Variants in CEP85L observed in about 807,000 individuals in gnomAD.
CEP85L encodes centrosomal protein 85L, also known as centrosomal protein of 85 kDa-like.
A neutral mutation model predicts 100.3 loss-of-function variants in CEP85L; 60 were observed. The ratio of observed to expected loss-of-function variants is 0.60; its 90% CI spans 0.49 to 0.74. The LOEUF (loss-of-function observed/expected upper bound fraction) is 0.74, where lower values mean the gene tolerates loss of function less well. Among genes scored for constraint, CEP85L ranks in the 30% least tolerant of loss-of-function variants. The pLI is 0.00. For synonymous variants in CEP85L, 319 were observed against 322.7 expected, an observed-to-expected ratio of 0.99 and a Z score of 0.12; for missense variants, 973 against 936.2, an observed-to-expected ratio of 1.04 and a Z score of -0.51.
At chr6:118,632,134 C>T (rs950160014) in intron 2 of CEP85L, among the ~76,000 whole-genome samples, 21 of 152,186 alleles carry the variant, frequency 1.4e-4, no homozygotes, top group East Asian at 1.2e-3. Context: ...GGACTACAGG[C>T]GCCCGCCACC....
chr6:118,664,970 C>T (rs1029948630), intron 1 of CEP85L, among the ~76,000 whole-genome samples: 5 of 152,194 alleles, frequency 3.3e-5, no homozygotes, highest in Non-Finnish European at 7.3e-5. Context: ...AAGGCATGAA[C>T]ATGATTTTGA....
At chr6:118,608,006 T>C (rs1157324901) in intron 2 of CEP85L, among the ~76,000 whole-genome samples, 1 of 152,048 alleles carries the variant, frequency 6.6e-6, no homozygotes, top group Non-Finnish European at 1.5e-5. Flanking sequence ...CAGTGCAAAA[T>C]GAAAGCAAGT....
chr6:118,502,430 G>C (rs1775366075), intron 5 of CEP85L: 1 of 530,166 alleles, frequency 1.9e-6, no homozygotes, highest in Non-Finnish European at 3.7e-6. Flanking sequence ...CCCTATAAGA[G>C]TTGGAGATAT....
rs548485761 is a variant in CEP85L at position 118,695,324 on chromosome 6, G to A, written c.-28+14712C>T. Reference sequence around the variant, plus strand: ...ATAATTTGCAAATGGATCATTAGAAGTAACAATGAGTCACCAACTCCTACT... The same window carrying A: ...ATAATTTGCAAATGGATCATTAGAAATAACAATGAGTCACCAACTCCTACT... On this transcript the variant is annotated intron_variant, in intron 1 of 13. Transcript: ENST00000368488. Among the ~76,000 whole-genome samples, 150 of 152,304 alleles carry A rather than the reference G, an allele frequency of 9.8e-4. 5 individuals carry two copies. In the South Asian group the frequency reaches 0.028, roughly 29 times the overall value.
chr6:118,594,596 C>A (rs984526493), intron 2 of CEP85L, among the ~76,000 whole-genome samples: 1 of 152,032 alleles, frequency 6.6e-6, no homozygotes, highest in Non-Finnish European at 1.5e-5. Flanking sequence ...TCGCCGGGCA[C>A]GGTGGCTCAC....
intron 1 of CEP85L, among the ~76,000 whole-genome samples, chr6:118,704,927 T>C (rs1777548510): frequency 6.6e-6 from 1 of 152,180 alleles, no homozygotes; most frequent in Non-Finnish European, 1.5e-5. Flanking sequence ...TTCACAGGCT[T>C]CCTGTTTCTA....
chr6:118,697,055 A>G (rs1406788138), intron 1 of CEP85L, among the ~76,000 whole-genome samples: 1 of 152,158 alleles, frequency 6.6e-6, no homozygotes, highest in African/African-American at 2.4e-5. Flanking sequence ...GACTCCCTTC[A>G]ATTTCTCATT....
At chr6:118,596,517 A>G (rs1781464163) in intron 2 of CEP85L, among the ~76,000 whole-genome samples, 1 of 152,224 alleles carries the variant, frequency 6.6e-6, no homozygotes, top group South Asian at 2.1e-4. Flanking sequence ...AAAACTTCAG[A>G]AAGACATGAA....
At chr6:118,677,188 A>G (rs972836969) in intron 1 of CEP85L, among the ~76,000 whole-genome samples, 2 of 152,190 alleles carry the variant, frequency 1.3e-5, no homozygotes, top group Non-Finnish European at 2.9e-5. Flanking sequence ...AAAAAAATGA[A>G]AGGAAAAGCT....
intron 5 of CEP85L, chr6:118,502,998 C>A (rs1442485967): frequency 3.6e-5 from 9 of 247,320 alleles, no homozygotes; most frequent in Admixed American, 2.6e-4. Flanking sequence ...AAAACGCTTT[C>A]ACAAGATATC....
chr6:118,706,930 C>A (rs1777610333), intron 1 of CEP85L, among the ~76,000 whole-genome samples: 1 of 152,142 alleles, frequency 6.6e-6, no homozygotes, highest in Admixed American at 6.5e-5. Context: ...GCTTCCCTAC[C>A]CCATGGAGCT....
intron 2 of CEP85L, chr6:118,589,469 A>C: frequency 3.8e-6 from 1 of 261,626 alleles, no homozygotes; most frequent in South Asian, 6.3e-5. Flanking sequence ...TGGCTCACAA[A>C]ACAATGGGAA....
chr6:118,652,740 T>C (rs1396227790), upstream of CEP85L: 25 of 1,545,962 alleles, frequency 1.6e-5, no homozygotes, highest in Non-Finnish European at 2.1e-5. Context: ...GTTTTACATT[T>C]AGTCTCCCTG....
At chr6:118,502,499 ACAAGTAGAGC>A in intron 5 of CEP85L, 1 of 515,542 alleles carries the variant, frequency 1.9e-6, no homozygotes, top group Admixed American at 2.4e-5. Flanking sequence ...TGGAGATTAC[ACAAGTAGAGC>A]CAGCAGGACA....
Position 118,615,815 on chromosome 6 carries a change from T to C in CEP85L, c.232+16638A>G, listed in dbSNP as rs192175432. Among the ~76,000 whole-genome samples the C allele has an allele frequency of 2.6e-5, 4 of 152,338 alleles. No individual in the cohort carries two copies. The East Asian group carries it at 5.8e-4, about 22-fold the overall frequency. On this transcript the variant is annotated intron_variant, in intron 2 of 12. Transcript: ENST00000368491. The stretch of plus-strand genomic sequence containing the variant: ...CTTACCCAGTTTTCAATATTCCACA[T>C]GTTCTCATACATCACTGCTAGAAGA...
At chr6:118,630,643 A>C (rs1774085409) in intron 2 of CEP85L, among the ~76,000 whole-genome samples, 1 of 152,230 alleles carries the variant, frequency 6.6e-6, no homozygotes, top group Non-Finnish European at 1.5e-5. Context: ...GACATGGAGA[A>C]ACTTAAATGC....
intron 3 of CEP85L, among the ~76,000 whole-genome samples, chr6:118,563,543 G>A (rs1415450778): frequency 6.6e-6 from 1 of 152,044 alleles, no homozygotes; most frequent in African/African-American, 2.4e-5. Flanking sequence ...TTTATCAGAC[G>A]GCCTGGTCCT....
chr6:118,479,901 A>T lies in CEP85L; in HGVS notation c.1884T>A (p.Asp628Glu), dbSNP rs370516795. 7.4e-6 allele frequency: 11 copies of T among 1,496,032 alleles called. No individual in the cohort carries two copies. The East Asian group carries it at 9.6e-5, about 13-fold the overall frequency. The allele number at this position is 1,496,032 out of a possible 1,614,324, so 92.7% of individuals were successfully genotyped here. ...TTTCTAAAATCATTCTGTCAATCTC[A>T]TCTTGTTGGCTGTCTATTATCTAAA... ...TASKIIDSQQ[D>E]EIDRMILEIQ... Residue 628 changes from aspartate to glutamate, a missense_variant, in exon 10 of 13, where the codon GAT (aspartate) becomes GAA (glutamate). Asp to Glu is a conservative substitution (Grantham distance 45, BLOSUM62 2). Around this residue, in one of 3 missense-constraint regions of CEP85L, gnomAD observed 890 missense variants for 844.5 expected, o/e 1.05. Transcript: ENST00000368491.
At chr6:118,627,624 C>T (rs930350282) in intron 2 of CEP85L, among the ~76,000 whole-genome samples, 15 of 152,182 alleles carry the variant, frequency 9.9e-5, no homozygotes, top group African/African-American at 3.4e-4. Context: ...AATTCCAAAA[C>T]GACCCCGTCA....
Sources: allele counts gnomAD v4.1 joint callset (sites outside exome capture counted in the v4.1 genomes callset), GRCh38; gene constraint gnomAD v4.1.1; regional missense constraint gnomAD v4.1.1; transcripts MANE v1.5; gene names NCBI Gene and HGNC (gene_info 2026-07-23, HGNC 2026-07-21).